Variants in FNBP1L observed in about 807,000 individuals in gnomAD.
FNBP1L encodes formin-binding protein 1-like.
Under a neutral mutation model 91.2 loss-of-function variants are expected in FNBP1L, and 36 were observed. The ratio of observed to expected loss-of-function variants is 0.39; its 90% confidence interval spans 0.30 to 0.52. The LOEUF is 0.52. Among genes scored for constraint, FNBP1L ranks in the 20% least tolerant of loss-of-function variants. The pLI, the probability that FNBP1L is intolerant of heterozygous loss-of-function variation, is 0.66. For missense variants in FNBP1L, 571 were observed against 732.1 expected (o/e 0.78, Z 2.54); for synonymous variants, 242 against 237.0 (o/e 1.02, Z -0.19).
At chr1:93,549,068 A>AT (rs1378837549) in intron 14 of FNBP1L, among the ~76,000 whole-genome samples, 2 of 151,582 alleles carry the variant, frequency 1.3e-5, no homozygotes, top group Admixed American at 6.6e-5. Context: ...TAATCTTGTA[A>AT]TTTTTTTTTA....
At position 93,552,833 on chromosome 1, in the gene FNBP1L, C is replaced by G. The variant is rs1672458988; in HGVS notation, c.*417C>G. On this transcript the variant is annotated 3_prime_UTR_variant, in exon 17 of 17. Transcript: ENST00000271234. ...ATCCTTGCCATCTGTCAGTGTCTGC[C>G]TGCGCCACCTCCGTGCTTGCTTAAC... 1 of 163,702 alleles carries G rather than the reference C, an allele frequency of 6.1e-6. No homozygotes were observed. Among genetic ancestry groups the G allele is most frequent in the Admixed American group, 6.4e-5 (1 of 15,622 alleles). The allele number at this position is 163,702 out of a possible 1,614,324, so 10.1% of individuals were successfully genotyped here. A position where few individuals can be genotyped will look rare whatever the true frequency, so the allele number is the denominator to read the frequency against.
chr1:93,470,124 GCT>G (rs1296226029), intron 1 of FNBP1L, among the ~76,000 whole-genome samples: 1 of 152,092 alleles, frequency 6.6e-6, no homozygotes, highest in Non-Finnish European at 1.5e-5. Context: ...TGTTAGCTAT[GCT>G]CTCTTTTCTT....
intron 2 of FNBP1L, among the ~76,000 whole-genome samples, chr1:93,515,620 A>C (rs1306750988): frequency 6.6e-6 from 1 of 151,996 alleles, no homozygotes; most frequent in Admixed American, 6.5e-5. Context: ...TTGTAGGGAC[A>C]TGGATGAAAT....
At chr1:93,552,005 A>G in intron 16 of FNBP1L, 1 of 999,056 alleles carries the variant, frequency 1.0e-6, no homozygotes, top group Non-Finnish European at 1.2e-6. Context: ...GTGTTGACAA[A>G]TTTTAATTTT....
At position 93,491,236 on chromosome 1, in the gene FNBP1L, T is replaced by C. The variant is rs978073466; in HGVS notation, c.25-8232T>C. Among the ~76,000 whole-genome samples, 6 of 152,276 alleles carry C rather than the reference T, an allele frequency of 3.9e-5. No individual in the cohort carries two copies. In the East Asian group the frequency reaches 9.6e-4, roughly 24 times the overall value. On this transcript the variant is annotated intron_variant, in intron 1 of 16. Transcript: ENST00000271234. The stretch of plus-strand genomic sequence containing the variant: ...TTAGGATTACAGGCGTGAGCCACCA[T>C]GCCTGGCTGATTCTTATATTTTAAT...
intron 7 of FNBP1L, 106 bp downstream of exon 7, chr1:93,530,989 G>GAATCTA: frequency 1.1e-6 from 1 of 891,468 alleles, no homozygotes; most frequent in Non-Finnish European, 1.6e-6. Flanking sequence ...CTAGACATCA[G>GAATCTA]GGTTGGGGTG....
At chr1:93,499,622 C>G (rs749439753) in intron 2 of FNBP1L, 39 bp downstream of exon 2, 7 of 1,161,628 alleles carry the variant, frequency 6.0e-6, no homozygotes, top group Non-Finnish European at 8.7e-6. Context: ...AATGAAATTA[C>G]ATGTTTAAAC....
At chr1:93,539,194 C>T (rs989403606) in intron 10 of FNBP1L, among the ~76,000 whole-genome samples, 4 of 151,984 alleles carry the variant, frequency 2.6e-5, no homozygotes, top group African/African-American at 9.7e-5. Flanking sequence ...TTTTTCTAAG[C>T]TTTTATCTCT....
chr1:93,457,089 T>C (rs1428374006), intron 1 of FNBP1L, among the ~76,000 whole-genome samples: 2 of 152,076 alleles, frequency 1.3e-5, no homozygotes, highest in Non-Finnish European at 2.9e-5. Context: ...CGTTTAGCCA[T>C]ATTGCCCAGG....
chr1:93,531,724 A>G (rs551482203), intron 7 of FNBP1L, among the ~76,000 whole-genome samples: 1 of 152,318 alleles, frequency 6.6e-6, no homozygotes, highest in African/African-American at 2.4e-5. Flanking sequence ...AAGTCTTCAT[A>G]TTCTGGGGAA....
chr1:93,546,428 G>A (rs1419272691), intron 12 of FNBP1L, among the ~76,000 whole-genome samples: 1 of 152,120 alleles, frequency 6.6e-6, no homozygotes, highest in Non-Finnish European at 1.5e-5. Context: ...TAGCAGAGGT[G>A]AGTGGGAGGA....
chr1:93,504,525 C>G (rs895295881), intron 2 of FNBP1L, among the ~76,000 whole-genome samples: 1 of 152,192 alleles, frequency 6.6e-6, no homozygotes, highest in Admixed American at 6.5e-5. Context: ...TACATAGTCT[C>G]TATCTCATTT....
intron 6 of FNBP1L, among the ~76,000 whole-genome samples, chr1:93,530,366 A>G (rs1194568795): frequency 6.6e-6 from 1 of 152,118 alleles, no homozygotes; most frequent in African/African-American, 2.4e-5. Context: ...CAATCTGAAA[A>G]TATTCCTAAA....
chr1:93,487,703 G>A (rs1314089261), intron 1 of FNBP1L, among the ~76,000 whole-genome samples: 2 of 152,168 alleles, frequency 1.3e-5, no homozygotes, highest in Non-Finnish European at 2.9e-5. Context: ...TCACTGTAGT[G>A]ATCTTCATTT....
intron 1 of FNBP1L, among the ~76,000 whole-genome samples, chr1:93,476,704 GA>G (rs1269942541): frequency 6.6e-6 from 1 of 151,948 alleles, no homozygotes; most frequent in African/African-American, 2.4e-5. Context: ...TGAGTGGGCA[GA>G]GGGGGGGAGT....
intron 1 of FNBP1L, among the ~76,000 whole-genome samples, chr1:93,495,075 G>A (rs1670218941): frequency 6.6e-6 from 1 of 152,156 alleles, no homozygotes; most frequent in Admixed American, 6.5e-5. Flanking sequence ...TCAATCATTA[G>A]CACTAACTCT....
At chr1:93,530,712 G>A in intron 6 of FNBP1L, 43 bp from the exon 7 acceptor site, 3 of 1,571,504 alleles carry the variant, frequency 1.9e-6, no homozygotes, top group Non-Finnish European at 2.6e-6. Flanking sequence ...GTGAATTGCT[G>A]TGATTTTGTT....
intron 1 of FNBP1L, among the ~76,000 whole-genome samples, chr1:93,485,276 C>G (rs1418991604): frequency 6.6e-6 from 1 of 152,074 alleles, no homozygotes; most frequent in Non-Finnish European, 1.5e-5. Flanking sequence ...GAGCTTACTT[C>G]ACACAACAGA....
In FNBP1L at chr1:93,522,105, C is replaced by A; in HGVS notation, c.164C>A (p.Pro55His). 1 of 1,522,868 alleles carries A rather than the reference C, an allele frequency of 6.6e-7. No individual in the cohort carries two copies. The highest frequency in any genetic ancestry group is 8.8e-7 in the Non-Finnish European group (1 of 1,134,636). 94.3% of individuals were successfully genotyped at this position (1,522,868 alleles called of 1,614,324 possible). ...AGAAATCTGGTTAAGAAGTACTGCC[C>A]CAAACGTTCATCCAAAGATGAAGAG... is the stretch of plus-strand genomic sequence containing the variant. ...QLRNLVKKYC[P>H]KRSSKDEEPR... The change falls in exon 3 of 17, where the codon CCC (proline) becomes CAC (histidine). Residue 55 changes from proline (P) to histidine (H), a missense_variant. Physicochemically the swap from Pro to His is moderately conservative, Grantham distance 77. Coordinates refer to ENST00000271234, the MANE Select transcript of FNBP1L (RefSeq NM_001164473.3).
Sources: gnomAD v4.1 joint callset for allele counts (sites outside exome capture counted in the v4.1 genomes callset) on GRCh38, gnomAD v4.1.1 for gene constraint, MANE v1.5 for transcripts, NCBI Gene and HGNC (gene_info 2026-07-23, HGNC 2026-07-21) for gene names.